The following OXR1 variants were observed in gnomAD, a reference collection of about 807,000 sequenced individuals.
OXR1 encodes the protein oxidation resistance protein 1.
OXR1 carries 41 observed loss-of-function variants against 104.6 expected under a neutral mutation model. The observed-to-expected ratio is 0.39, with a 90% CI of 0.31 to 0.51. OXR1 has a LOEUF of 0.51. Among genes scored for constraint, OXR1 ranks in the 20% least tolerant of loss-of-function variants. OXR1 has a pLI of 0.77. For missense variants in OXR1, 955 were observed against 1,031.9 expected, an observed-to-expected ratio of 0.93 and a Z score of 1.02; for synonymous variants, 348 against 348.4, an observed-to-expected ratio of 1.00 and a Z score of 0.01.
At chr8:106,325,106 T>C (rs1814413472) in intron 1 of OXR1, among the ~76,000 whole-genome samples, 1 of 152,178 alleles carries the variant, frequency 6.6e-6, no homozygotes, top group Non-Finnish European at 1.5e-5. Context: ...ATAAAAGTAA[T>C]AGAAGACCAA....
At chr8:106,657,787 C>A in intron 3 of OXR1, 1 of 1,195,398 alleles carries the variant, frequency 8.4e-7, no homozygotes, top group Non-Finnish European at 1.0e-6. Context: ...GTCTTTTGCT[C>A]CCCCGACGCG....
intron 1 of OXR1, among the ~76,000 whole-genome samples, chr8:106,310,656 A>T (rs1215070822): frequency 6.6e-6 from 1 of 152,156 alleles, no homozygotes; most frequent in Non-Finnish European, 1.5e-5. Flanking sequence ...TTCTAATCTC[A>T]CATTTGATTG....
chr8:106,695,762 G>A (rs773059832), intron 7 of OXR1, among the ~76,000 whole-genome samples: 1 of 151,954 alleles, frequency 6.6e-6, no homozygotes, highest in African/African-American at 2.4e-5. Context: ...TATAAAAAAG[G>A]ATCCCTAACT....
At chr8:106,623,844 G>T (rs1563650539) in intron 3 of OXR1, among the ~76,000 whole-genome samples, 1 of 152,170 alleles carries the variant, frequency 6.6e-6, no homozygotes, top group Non-Finnish European at 1.5e-5. Flanking sequence ...ACTTGTAAAA[G>T]GGTATCATTA....
chr8:106,326,612 G>T (rs1814479802), intron 1 of OXR1, among the ~76,000 whole-genome samples: 1 of 152,212 alleles, frequency 6.6e-6, no homozygotes, highest in Non-Finnish European at 1.5e-5. Context: ...AGGACTTCTT[G>T]AGAAAATGAC....
intron 11 of OXR1, among the ~76,000 whole-genome samples, chr8:106,716,750 T>C (rs199716949): frequency 6.6e-6 from 1 of 151,874 alleles, no homozygotes; most frequent in Non-Finnish European, 1.5e-5. Flanking sequence ...GAAGTGATAA[T>C]ATTTTGAATA....
intron 2 of OXR1, among the ~76,000 whole-genome samples, chr8:106,412,507 C>T (rs1017986212): frequency 1.3e-5 from 2 of 152,138 alleles, no homozygotes; most frequent in African/African-American, 4.8e-5. Flanking sequence ...GGGCTGTAAA[C>T]AATTCCTACG....
At chr8:106,291,111 C>A (rs1812732345) in intron 1 of OXR1, among the ~76,000 whole-genome samples, 1 of 151,952 alleles carries the variant, frequency 6.6e-6, no homozygotes, top group South Asian at 2.1e-4. Flanking sequence ...TACTATGCAG[C>A]CATAAAAAAA....
At chr8:106,305,646 ATTATCCTCTGCAG>A (rs1813435969) in intron 1 of OXR1, among the ~76,000 whole-genome samples, 1 of 152,026 alleles carries the variant, frequency 6.6e-6, no homozygotes, top group African/African-American at 2.4e-5. Flanking sequence ...ACACCCACCC[ATTATCCTCTGCAG>A]TGGCTGCTTC....
chr8:106,362,269 A>G (rs996066393), intron 2 of OXR1, among the ~76,000 whole-genome samples: 5 of 152,176 alleles, frequency 3.3e-5, no homozygotes, highest in Non-Finnish European at 5.9e-5. Context: ...GTATTAGTTG[A>G]CCATATCCAC....
At chr8:106,468,877 T>C (rs1462252896) in intron 2 of OXR1, among the ~76,000 whole-genome samples, 4 of 151,696 alleles carry the variant, frequency 2.6e-5, no homozygotes, top group African/African-American at 7.3e-5. Context: ...GCAAAGAATT[T>C]ATCGTAAGGA....
intron 4 of OXR1, among the ~76,000 whole-genome samples, chr8:106,680,237 C>A (rs1028417196): frequency 5.9e-5 from 9 of 151,988 alleles, no homozygotes; most frequent in African/African-American, 1.9e-4. Flanking sequence ...AATCTCACAG[C>A]ATATTTTAAA....
rs149291189 is a variant in OXR1 at position 106,533,697 on chromosome 8, C to A, written c.220+14558C>A. Among the ~76,000 whole-genome samples the A allele has an allele frequency of 8.6e-3, 1,289 of 149,716 alleles. 24 individuals are homozygous for A. Among genetic ancestry groups the A allele is most frequent in the African/African-American group, 0.029 (1,196 of 40,994 alleles). Reference sequence around the variant, plus strand: ...TTTATGATATGCTACCTGAACAGGGCAGCAGTTGAGTTTACTTTTTTTTTT... The same window carrying A: ...TTTATGATATGCTACCTGAACAGGGAAGCAGTTGAGTTTACTTTTTTTTTT... On this transcript the variant is annotated intron_variant, in intron 3 of 16. Transcript: ENST00000517566.
chr8:106,446,618 A>C (rs75494198), intron 2 of OXR1, among the ~76,000 whole-genome samples: 5 of 142,386 alleles, frequency 3.5e-5, no homozygotes, highest in African/African-American at 1.3e-4. Flanking sequence ...ACTCCATCTC[A>C]AAAAAAAAAA....
chr8:106,632,442 A>G (rs1822768233), intron 3 of OXR1, among the ~76,000 whole-genome samples: 1 of 152,186 alleles, frequency 6.6e-6, no homozygotes, highest in South Asian at 2.1e-4. Context: ...CTTTTAATCA[A>G]TAATTTCAGG....
rs185255638 is a variant in OXR1 at position 106,496,317 on chromosome 8, C to T, written c.24-22626C>T. Among the ~76,000 whole-genome samples, 6 of 152,258 alleles carry T rather than the reference C, an allele frequency of 3.9e-5. No individual in the cohort carries two copies. The East Asian group carries it at 5.8e-4, about 15-fold the overall frequency. Reference sequence around the variant, plus strand: ...GTAATGTATGTTTTCATAAGCTCTCCAGGTGATTCTGATACATGCTCAAGT... The same window carrying T: ...GTAATGTATGTTTTCATAAGCTCTCTAGGTGATTCTGATACATGCTCAAGT... On this transcript the variant is annotated intron_variant, in intron 2 of 16. Transcript: ENST00000517566.
At chr8:106,418,416 G>A (rs1174436671) in intron 2 of OXR1, among the ~76,000 whole-genome samples, 3 of 151,894 alleles carry the variant, frequency 2.0e-5, no homozygotes, top group Non-Finnish European at 4.4e-5. Flanking sequence ...AATATAAAGT[G>A]ACTCTGAATC....
intron 2 of OXR1, among the ~76,000 whole-genome samples, chr8:106,472,695 G>A (rs1457704424): frequency 2.0e-5 from 3 of 151,878 alleles, no homozygotes; most frequent in East Asian, 1.9e-4. Context: ...TCTGTCATCC[G>A]TGTCACTCCA....
intron 3 of OXR1, among the ~76,000 whole-genome samples, chr8:106,634,631 T>G (rs1013199820): frequency 1.3e-5 from 2 of 152,128 alleles, no homozygotes; most frequent in Non-Finnish European, 2.9e-5. Context: ...GATCAAGTAG[T>G]TAACTGAATC....
Sources: gnomAD v4.1 joint callset for allele counts (sites outside exome capture counted in the v4.1 genomes callset) on GRCh38, gnomAD v4.1.1 for gene constraint, MANE v1.5 for transcripts, NCBI Gene and HGNC (gene_info 2026-07-23, HGNC 2026-07-21) for gene names.